ABCC1: variants seen among roughly 807,000 people sequenced by gnomAD.
ABCC1 encodes multidrug resistance-associated protein 1.
A neutral mutation model predicts 172.9 loss-of-function variants in ABCC1; 83 were observed. The ratio of observed to expected loss-of-function variants is 0.48; its 90% CI spans 0.40 to 0.58. ABCC1 has a LOEUF of 0.58. Ranked by LOEUF, ABCC1 falls within the 20% of genes least tolerant of loss-of-function variation. The pLI, the probability that ABCC1 is intolerant of heterozygous loss-of-function variation, is 0.00. For missense variants in ABCC1, 1,817 were observed against 2,002.7 expected (o/e 0.91, Z 1.77); for synonymous variants, 937 against 825.2 (o/e 1.14, Z -2.32).
intron 4 of ABCC1, among the ~76,000 whole-genome samples, chr16:16,015,818 C>T (rs1246622151): frequency 6.6e-6 from 1 of 152,176 alleles, no homozygotes; most frequent in Non-Finnish European, 1.5e-5. Context: ...AAGAAGATAT[C>T]CCCAGACACT....
At chr16:16,013,905 C>T (rs1414346883) in intron 3 of ABCC1, among the ~76,000 whole-genome samples, 2 of 151,990 alleles carry the variant, frequency 1.3e-5, no homozygotes, top group African/African-American at 2.4e-5. Flanking sequence ...CAGAGATGGC[C>T]GAGGCAGAGA....
At position 16,086,237 on chromosome 16, in the gene ABCC1, G is replaced by A. The variant is rs45617339; in HGVS notation, c.2293-587G>A. On this transcript the variant is annotated intron_variant, in intron 17 of 30. Transcript: ENST00000399410. ...CCACGTGCCCTGCTCAGCACCTCAC[G>A]GGAGATTCAGGTTTTCTCTTTTGCC... 9.9e-3 allele frequency among the ~76,000 whole-genome samples: 1,501 copies of A among 152,284 alleles called. 29 individuals carry two copies. Among genetic ancestry groups the A allele is most frequent in the African/African-American group, 0.033 (1,372 of 41,564 alleles).
intron 3 of ABCC1, among the ~76,000 whole-genome samples, chr16:16,014,129 A>C (rs2047899583): frequency 6.6e-6 from 1 of 152,158 alleles, no homozygotes; most frequent in Admixed American, 6.5e-5. Flanking sequence ...ATGAAGTCCA[A>C]AATATTTATT....
intron 6 of ABCC1, among the ~76,000 whole-genome samples, chr16:16,034,358 A>G (rs2048667875): frequency 6.6e-6 from 1 of 152,122 alleles, no homozygotes; most frequent in Non-Finnish European, 1.5e-5. Flanking sequence ...ACATCGTTTT[A>G]AAAAATTAGA....
chr16:16,125,963 C>A, intron 26 of ABCC1, 52 bp downstream of exon 26: 2 of 1,413,208 alleles, frequency 1.4e-6, no homozygotes, highest in Non-Finnish European at 2.0e-6. Context: ...AGCTTTACCC[C>A]AAGGAGATCT....
At chr16:15,983,738 T>C (rs1035206435) in intron 1 of ABCC1, among the ~76,000 whole-genome samples, 4 of 151,990 alleles carry the variant, frequency 2.6e-5, no homozygotes, top group Admixed American at 1.3e-4. Context: ...GTATTTTTAT[T>C]GGAGACGGGG....
rs182776332 is a variant in ABCC1, at chr16:16,072,047, A to G, written c.1912+318A>G. Among the ~76,000 whole-genome samples, 83 of 152,032 alleles carry G rather than the reference A, an allele frequency of 5.5e-4. 1 individual carries two copies. The highest frequency in any genetic ancestry group is 9.6e-4 in the African/African-American group (40 of 41,480). ...TTTCCAAGGCTTTGACCTTGATTCT[A>G]TTCTGGGCTAAATGAGGACTCTGGA... On this transcript the variant is annotated intron_variant, in intron 14 of 30. Transcript: ENST00000399410.
At chr16:16,101,053 A>G in intron 19 of ABCC1, among the ~76,000 whole-genome samples, 1 of 150,316 alleles carries the variant, frequency 6.7e-6, no homozygotes, top group East Asian at 2.0e-4. Flanking sequence ...TTATTTTTAG[A>G]CAGAGTCTCG....
chr16:15,994,728 C>T (rs1183968703), intron 1 of ABCC1, among the ~76,000 whole-genome samples: 2 of 151,880 alleles, frequency 1.3e-5, no homozygotes, highest in African/African-American at 4.8e-5. Flanking sequence ...TCAGGCCTAC[C>T]CCCTGCAGAT....
chr16:16,076,109 G>A, intron 14 of ABCC1: 1 of 553,502 alleles, frequency 1.8e-6, no homozygotes. Flanking sequence ...AAAGCTGCTT[G>A]CAGTTTCCTT....
At chr16:15,983,277 A>C (rs1427836302) in intron 1 of ABCC1, among the ~76,000 whole-genome samples, 2 of 152,144 alleles carry the variant, frequency 1.3e-5, no homozygotes, top group Non-Finnish European at 2.9e-5. Flanking sequence ...GCCCTGAGTC[A>C]TGAAGGGGTC....
chr16:16,052,807 G>A lies in ABCC1; in HGVS notation c.1464G>A (p.Lys488=). 6.2e-7 allele frequency: 1 copy of A among 1,614,148 alleles called. No homozygotes were observed. Among genetic ancestry groups the A allele is most frequent in the South Asian group, 1.1e-5 (1 of 91,070 alleles). ...PVNAVMAMKT[K]TYQVAHMKSK... ...ATGCTGTGATGGCGATGAAGACCAA[G>A]ACGTATCAGGTAAGGCATGTGTCTC... The change falls in exon 11 of 31, where the codon AAG becomes AAA. Residue 488 remains lysine (K), a synonymous_variant. Coordinates refer to ENST00000399410, the MANE Select transcript of ABCC1 (RefSeq NM_004996.4).
At chr16:16,126,627 C>T (rs928997260) in intron 26 of ABCC1, among the ~76,000 whole-genome samples, 4 of 152,116 alleles carry the variant, frequency 2.6e-5, no homozygotes, top group Non-Finnish European at 4.4e-5. Flanking sequence ...TCAGGTGATC[C>T]GCCTGCCTCA....
At chr16:16,118,961 T>C (rs536706328) in intron 23 of ABCC1, among the ~76,000 whole-genome samples, 1 of 150,452 alleles carries the variant, frequency 6.6e-6, no homozygotes, top group East Asian at 2.0e-4. Flanking sequence ...TCGCCCAAAC[T>C]GGAAACAGCT....
chr16:15,960,220 A>G (rs925290208), intron 1 of ABCC1, among the ~76,000 whole-genome samples: 4 of 152,018 alleles, frequency 2.6e-5, no homozygotes, highest in African/African-American at 9.7e-5. Context: ...AGCTGGGACT[A>G]CAGGCATGCA....
At chr16:16,085,346 G>A (rs1177720054) in intron 17 of ABCC1, among the ~76,000 whole-genome samples, 1 of 152,212 alleles carries the variant, frequency 6.6e-6, no homozygotes, top group Non-Finnish European at 1.5e-5. Flanking sequence ...GTCGTCTGGT[G>A]TGTCCCCTCT....
chr16:16,100,664 C>A (rs1283114555), intron 19 of ABCC1, among the ~76,000 whole-genome samples: 1 of 152,168 alleles, frequency 6.6e-6, no homozygotes, highest in African/African-American at 2.4e-5. Context: ...CCTGGCTGTG[C>A]CTAGAATTCT....
intron 5 of ABCC1, among the ~76,000 whole-genome samples, chr16:16,030,823 C>G (rs1483801653): frequency 6.6e-6 from 1 of 151,970 alleles, no homozygotes; most frequent in Non-Finnish European, 1.5e-5. Context: ...ATCAGATTGC[C>G]TGGTGCGGGT....
At chr16:16,034,045 T>TTTTTTTTTTTA (rs56234008) in intron 6 of ABCC1, among the ~76,000 whole-genome samples, 2 of 131,322 alleles carry the variant, frequency 1.5e-5, no homozygotes, top group African/African-American at 5.9e-5. Context: ...TTTTTTTTTT[T>TTTTTTTTTTTA]GAGACAGGCT....
Sources: allele counts gnomAD v4.1 joint callset (sites outside exome capture counted in the v4.1 genomes callset), GRCh38; gene constraint gnomAD v4.1.1; transcripts MANE v1.5; gene names NCBI Gene and HGNC (gene_info 2026-07-23, HGNC 2026-07-21).